CSMD1: variants seen among roughly 807,000 people sequenced by gnomAD.
CSMD1 encodes the protein CUB and sushi domain-containing protein 1.
In CSMD1, 213 loss-of-function variants were observed where a neutral mutation model predicts 417.5. The ratio of observed to expected loss-of-function variants is 0.51; its 90% CI spans 0.46 to 0.57. CSMD1 has a LOEUF of 0.57. CSMD1 is among the 20% of genes least tolerant of loss of function. CSMD1 has a pLI of 0.00. For synonymous variants in CSMD1, 2,862 were observed against 1,736.8 expected (o/e 1.65, Z -16.11); for missense variants, 6,923 against 4,529.7 (o/e 1.53, Z -15.17).
intron 31 of CSMD1, among the ~76,000 whole-genome samples, chr8:3,205,020 G>T (rs1797174015): frequency 1.3e-5 from 2 of 152,180 alleles, no homozygotes; most frequent in South Asian, 4.1e-4. Context: ...GGTTCAGCAG[G>T]TGAAACAGTC....
chr8:3,784,148 C>T (rs999143219), intron 5 of CSMD1, among the ~76,000 whole-genome samples: 24 of 152,118 alleles, frequency 1.6e-4, no homozygotes, highest in Non-Finnish European at 2.9e-4. Context: ...CTTTCTCTCT[C>T]TCATGCATAC....
At chr8:3,211,076 G>A (rs1392463245) in intron 30 of CSMD1, among the ~76,000 whole-genome samples, 1 of 152,052 alleles carries the variant, frequency 6.6e-6, no homozygotes, top group Non-Finnish European at 1.5e-5. Flanking sequence ...ATAAGGTATT[G>A]CCCTGTTGCC....
At chr8:3,721,845 A>C (rs1802192643) in intron 6 of CSMD1, among the ~76,000 whole-genome samples, 1 of 152,122 alleles carries the variant, frequency 6.6e-6, no homozygotes, top group Admixed American at 6.5e-5. Flanking sequence ...GTTTTCTGAG[A>C]GGCGCTGTAT....
intron 12 of CSMD1, among the ~76,000 whole-genome samples, chr8:3,441,696 T>C (rs57968223): frequency 6.6e-6 from 1 of 151,982 alleles, no homozygotes; most frequent in Non-Finnish European, 1.5e-5. Context: ...TAAATAAACC[T>C]ACTGTGCTGC....
At chr8:4,568,259 T>C (rs935174103) in intron 2 of CSMD1, among the ~76,000 whole-genome samples, 3 of 152,144 alleles carry the variant, frequency 2.0e-5, no homozygotes, top group African/African-American at 7.2e-5. Context: ...GGATTTCCCC[T>C]AATGCTATGC....
chr8:3,080,794 G>A (rs1485196548), intron 49 of CSMD1, among the ~76,000 whole-genome samples: 1 of 152,132 alleles, frequency 6.6e-6, no homozygotes, highest in Non-Finnish European at 1.5e-5. Flanking sequence ...ATTTTACATG[G>A]CAGAAAGTAG....
intron 15 of CSMD1, among the ~76,000 whole-genome samples, chr8:3,403,539 C>A (rs1410654344): frequency 1.3e-5 from 2 of 152,162 alleles, no homozygotes; most frequent in Non-Finnish European, 2.9e-5. Context: ...CTGGGTTTTG[C>A]CTTTAACCTC....
At chr8:4,616,608 C>A (rs76156580) in intron 2 of CSMD1, among the ~76,000 whole-genome samples, 2,977 of 152,282 alleles carry the variant, frequency 0.02, 83 homozygotes, top group African/African-American at 0.059. Flanking sequence ...GAATAAGATA[C>A]AGGATCTAGC....
intron 11 of CSMD1, among the ~76,000 whole-genome samples, chr8:3,485,132 C>A (rs568721269): frequency 1.3e-5 from 2 of 152,170 alleles, no homozygotes; most frequent in South Asian, 2.1e-4. Flanking sequence ...TAGCTTTCTT[C>A]ATAATAGTCA....
At chr8:3,710,864 C>T (rs962514819) in intron 6 of CSMD1, among the ~76,000 whole-genome samples, 2 of 152,102 alleles carry the variant, frequency 1.3e-5, no homozygotes, top group African/African-American at 2.4e-5. Context: ...AACTCCAAAC[C>T]TTTCCACGTG....
At chr8:4,049,673 A>T (rs1798322094) in intron 3 of CSMD1, among the ~76,000 whole-genome samples, 1 of 152,168 alleles carries the variant, frequency 6.6e-6, no homozygotes, top group African/African-American at 2.4e-5. Flanking sequence ...GCATAGGTAT[A>T]GATATTTTTA....
intron 10 of CSMD1, among the ~76,000 whole-genome samples, chr8:3,506,164 G>A (rs1480166784): frequency 6.6e-6 from 1 of 152,156 alleles, no homozygotes; most frequent in Non-Finnish European, 1.5e-5. Flanking sequence ...GGAGGCAGCT[G>A]AAACTCAAGG....
chr8:2,963,460 G>T, intron 59 of CSMD1, 65 bp from the exon 60 acceptor site: 2 of 1,503,894 alleles, frequency 1.3e-6, no homozygotes, highest in African/African-American at 1.4e-5. Context: ...ATGTTCAAAC[G>T]ATTCCCATTT....
At chr8:4,911,658 T>C (rs764188284) in intron 1 of CSMD1, among the ~76,000 whole-genome samples, 13 of 152,198 alleles carry the variant, frequency 8.5e-5, no homozygotes, top group Admixed American at 2.0e-4. Flanking sequence ...ACTAAATAAC[T>C]ACTTCGAAGT....
At chr8:4,018,192 T>A (rs980122253) in intron 4 of CSMD1, among the ~76,000 whole-genome samples, 2 of 152,234 alleles carry the variant, frequency 1.3e-5, no homozygotes, top group African/African-American at 4.8e-5. Context: ...ATCTTTTACA[T>A]AATTTAAAAA....
At position 3,492,172 on chromosome 8, in the gene CSMD1, A is replaced by C. The variant is rs189857136; in HGVS notation, c.1448+1451T>G. Among the ~76,000 whole-genome samples the C allele has an allele frequency of 5.7e-3, 873 of 152,334 alleles. 4 individuals carry two copies. The highest frequency in any genetic ancestry group is 9.6e-3 in the Non-Finnish European group (650 of 68,034). ...ACTGAAACGGGTGGGCGTGGGTTTC[A>C]GGAGAAGCCAAGATGTTTGATTATT... On this transcript the variant is annotated intron_variant, in intron 11 of 69. Coordinates refer to ENST00000635120, the MANE Select transcript of CSMD1 (RefSeq NM_033225.6).
chr8:4,277,571 G>A (rs1169319130), intron 3 of CSMD1, among the ~76,000 whole-genome samples: 2 of 152,106 alleles, frequency 1.3e-5, no homozygotes, highest in African/African-American at 4.8e-5. Flanking sequence ...AGAGCTGCAT[G>A]TCTATACTCA....
chr8:4,262,690 G>A (rs890402183), intron 3 of CSMD1, among the ~76,000 whole-genome samples: 4 of 152,068 alleles, frequency 2.6e-5, no homozygotes, highest in African/African-American at 7.2e-5. Flanking sequence ...TCAGCCTCCA[G>A]CCTCAAGTTA....
chr8:4,004,867 C>A (rs1268857318), intron 4 of CSMD1, among the ~76,000 whole-genome samples: 2 of 152,122 alleles, frequency 1.3e-5, no homozygotes, highest in Non-Finnish European at 2.9e-5. Flanking sequence ...GCCTCAGCCT[C>A]CCGAGTAGCT....
Sources: gnomAD v4.1 joint callset for allele counts (sites outside exome capture counted in the v4.1 genomes callset) on GRCh38, gnomAD v4.1.1 for gene constraint, MANE v1.5 for transcripts, NCBI Gene and HGNC (gene_info 2026-07-23, HGNC 2026-07-21) for gene names.